Variants in LPP observed in about 807,000 individuals in gnomAD.
LPP encodes the protein lipoma-preferred partner.
In LPP, 38 loss-of-function variants were observed where a neutral mutation model predicts 60.4. The ratio of observed to expected loss-of-function variants is 0.63; its 90% CI spans 0.49 to 0.83. The LOEUF is 0.83. Ranked by LOEUF, LPP falls within the 40% of genes least tolerant of loss-of-function variation. The pLI is 0.00. For missense variants in LPP, 902 were observed against 783.6 expected, an observed-to-expected ratio of 1.15 and a Z score of -1.80; for synonymous variants, 328 against 290.8, an observed-to-expected ratio of 1.13 and a Z score of -1.30.
At chr3:188,818,733 C>T (rs950486602) in intron 9 of LPP, among the ~76,000 whole-genome samples, 1 of 152,042 alleles carries the variant, frequency 6.6e-6, no homozygotes, top group South Asian at 2.1e-4. Flanking sequence ...TTAACCTCTC[C>T]GAGGCTCAGT....
At chr3:188,649,067 C>T (rs555200956) in intron 7 of LPP, among the ~76,000 whole-genome samples, 1 of 152,278 alleles carries the variant, frequency 6.6e-6, no homozygotes, top group East Asian at 1.9e-4. Context: ...TCGTCATTGT[C>T]ATTTTCAGTT....
intron 7 of LPP, among the ~76,000 whole-genome samples, chr3:188,652,929 C>A (rs569983521): frequency 3.2e-4 from 48 of 152,268 alleles, no homozygotes; most frequent in Middle Eastern, 6.8e-3. Context: ...ACCCTACCCC[C>A]AAATGTCTAA....
At chr3:188,506,344 T>A (rs535793528) in intron 5 of LPP, among the ~76,000 whole-genome samples, 22 of 152,302 alleles carry the variant, frequency 1.4e-4, no homozygotes, top group Non-Finnish European at 2.6e-4. Context: ...CAACTGCTGG[T>A]TCAGAGTAAA....
chr3:188,264,788 C>CTG (rs35154681), intron 2 of LPP, among the ~76,000 whole-genome samples: 60,576 of 151,484 alleles, frequency 0.4, 12,535 homozygotes, highest in Middle Eastern at 0.56. Context: ...CTCTCTCTCT[C>CTG]TGTGTGTGTC....
chr3:188,302,405 A>G (rs750320534), intron 2 of LPP, among the ~76,000 whole-genome samples: 62 of 152,202 alleles, frequency 4.1e-4, no homozygotes, highest in Admixed American at 6.5e-4. Flanking sequence ...TGGTAACTCA[A>G]CCTCTGAAAA....
At chr3:188,772,146 A>G (rs763334865) in intron 9 of LPP, among the ~76,000 whole-genome samples, 2 of 152,194 alleles carry the variant, frequency 1.3e-5, no homozygotes, top group Non-Finnish European at 2.9e-5. Flanking sequence ...ATATGTTTGC[A>G]TTCTTATCTC....
intron 2 of LPP, among the ~76,000 whole-genome samples, chr3:188,243,365 A>AT (rs1255914053): frequency 1.3e-5 from 2 of 152,158 alleles, no homozygotes; most frequent in East Asian, 3.9e-4. Flanking sequence ...GAAATTGGCA[A>AT]TTCTTTTCCA....
intron 2 of LPP, among the ~76,000 whole-genome samples, chr3:188,285,270 A>T (rs370435207): frequency 6.6e-6 from 1 of 152,202 alleles, no homozygotes; most frequent in Non-Finnish European, 1.5e-5. Context: ...TTCTGTTTCT[A>T]TATATGTGAA....
chr3:188,237,224 T>G (rs1254201283), intron 2 of LPP, among the ~76,000 whole-genome samples: 4 of 152,218 alleles, frequency 2.6e-5, no homozygotes, highest in Non-Finnish European at 5.9e-5. Flanking sequence ...CAGTTGCATC[T>G]TCATTCCACT....
At chr3:188,607,385 AT>A (rs1273020492) in intron 6 of LPP, among the ~76,000 whole-genome samples, 4 of 18,804 alleles carry the variant, frequency 2.1e-4, no homozygotes, top group African/African-American at 4.3e-4. Context: ...ATATATATAT[AT>A]ATATATATAT....
intron 2 of LPP, among the ~76,000 whole-genome samples, chr3:188,249,165 G>A (rs1029170254): frequency 1.3e-5 from 2 of 152,136 alleles, no homozygotes; most frequent in East Asian, 1.9e-4. Context: ...TTGGGAGGCC[G>A]AGCAGGGAGG....
chr3:188,413,487 T>C (rs1446666477), intron 4 of LPP, among the ~76,000 whole-genome samples: 1 of 152,176 alleles, frequency 6.6e-6, no homozygotes, highest in African/African-American at 2.4e-5. Context: ...CATCAGGAAC[T>C]GTAATGAAGC....
intron 2 of LPP, among the ~76,000 whole-genome samples, chr3:188,262,095 C>G (rs866184177): frequency 6.6e-6 from 1 of 152,300 alleles, no homozygotes; most frequent in Middle Eastern, 3.4e-3. Flanking sequence ...ATTCGGCTCT[C>G]TCCCAGGCTG....
Position 188,311,471 on chromosome 3 carries a change from TCTAAACTAAACTAAACTAAACTAAA to T in LPP, c.-66-30156_-66-30132del, listed in dbSNP as rs56278922. ...TTGGATAATGGAGCGAGACCCTATCTCTAAACTAAACTAAACTAAACTAAACTAAACTAAACTAAACTAAACTAAA... is the reference window on the plus strand; with the variant it reads ...TTGGATAATGGAGCGAGACCCTATCTCTAAACTAAACTAAACTAAACTAAA... On this transcript the variant is annotated intron_variant, in intron 2 of 11. Coordinates refer to ENST00000617246, the MANE Select transcript of LPP (RefSeq NM_001375462.1). Among the ~76,000 whole-genome samples, 340 of 142,060 alleles carry T rather than the reference TCTAAACTAAACTAAACTAAACTAAA, an allele frequency of 2.4e-3. 2 individuals are homozygous for T. The highest frequency in any genetic ancestry group is 3.0e-3 in the Non-Finnish European group (199 of 65,886). 93.2% of individuals were successfully genotyped at this position (142,060 alleles called of 152,430 possible). A position where few individuals can be genotyped will look rare whatever the true frequency, so the allele number is the denominator to read the frequency against.
In LPP at chr3:188,724,468, G is replaced by C. The variant is rs559609049; in HGVS notation, c.1240+16075G>C. ...ATTGAAAGCTCTCACTACTAATAAG[G>C]GAGCAATTAGAAATACAGGTACACC... is the stretch of plus-strand genomic sequence containing the variant. On this transcript the variant is annotated intron_variant, in intron 8 of 11. Coordinates refer to ENST00000617246, the MANE Select transcript of LPP (RefSeq NM_001375462.1). Among the ~76,000 whole-genome samples the C allele has an allele frequency of 5.9e-5, 9 of 152,242 alleles. No homozygotes were observed. The East Asian group carries it at 1.7e-3, about 29-fold the overall frequency.
intron 4 of LPP, among the ~76,000 whole-genome samples, chr3:188,429,356 A>G (rs1415397148): frequency 6.6e-6 from 1 of 152,168 alleles, no homozygotes; most frequent in African/African-American, 2.4e-5. Context: ...ACATTGTTCT[A>G]TATCCCAATA....
chr3:188,494,904 A>G (rs2149791249), intron 5 of LPP, among the ~76,000 whole-genome samples: 1 of 151,156 alleles, frequency 6.6e-6, no homozygotes, highest in African/African-American at 2.4e-5. Flanking sequence ...TGTAATTGAC[A>G]TGTCCTAAAA....
intron 9 of LPP, among the ~76,000 whole-genome samples, chr3:188,863,688 C>G (rs1290144074): frequency 4.6e-5 from 7 of 152,172 alleles, no homozygotes; most frequent in African/African-American, 9.7e-5. Flanking sequence ...TTCTTGGAAC[C>G]TTTATTTTCC....
intron 10 of LPP, 69 bp from the exon 11 acceptor site, chr3:188,872,574 C>G: frequency 6.3e-7 from 1 of 1,592,986 alleles, no homozygotes; most frequent in East Asian, 2.2e-5. Flanking sequence ...CCACCTCTTC[C>G]TTTTACCTCT....
Sources: gnomAD v4.1 joint callset for allele counts (sites outside exome capture counted in the v4.1 genomes callset) on GRCh38, gnomAD v4.1.1 for gene constraint, MANE v1.5 for transcripts, NCBI Gene and HGNC (gene_info 2026-07-23, HGNC 2026-07-21) for gene names.